GNAL: variants seen among roughly 807,000 people sequenced by gnomAD.
GNAL encodes the protein G protein subunit alpha L, also known as guanine nucleotide-binding protein G(olf) subunit alpha.
A neutral mutation model predicts 55.1 loss-of-function variants in GNAL; 18 were observed. The observed-to-expected ratio is 0.33, with a 90% CI of 0.23 to 0.48. The LOEUF (loss-of-function observed/expected upper bound fraction) is 0.48, where lower values mean the gene tolerates loss of function less well. GNAL is among the 20% of genes least tolerant of loss of function. The probability of loss-of-function intolerance (pLI) is 0.99; values close to 1 mark genes in which losing one functional copy is unlikely to be tolerated. For missense variants in GNAL, 412 were observed against 614.1 expected, an observed-to-expected ratio of 0.67 and a Z score of 3.48; for synonymous variants, 253 against 237.0, an observed-to-expected ratio of 1.07 and a Z score of -0.62.
chr18:11,766,015 A>G (rs1427452554), intron 4 of GNAL, among the ~76,000 whole-genome samples: 1 of 152,210 alleles, frequency 6.6e-6, no homozygotes, highest in African/African-American at 2.4e-5. Flanking sequence ...GTTTTATGTA[A>G]CTGAGAGAAA....
At chr18:11,761,184 T>C (rs1056524204) in intron 4 of GNAL, among the ~76,000 whole-genome samples, 1 of 152,112 alleles carries the variant, frequency 6.6e-6, no homozygotes, top group Admixed American at 6.5e-5. Context: ...TCGCACCCCT[T>C]AGCTGTCACC....
intron 4 of GNAL, among the ~76,000 whole-genome samples, chr18:11,820,975 C>G (rs1395474866): frequency 6.6e-6 from 1 of 152,248 alleles, no homozygotes; most frequent in Non-Finnish European, 1.5e-5. Context: ...GTAATTCTCT[C>G]AGGCTTCAGC....
rs538344196 is a variant in GNAL at position 11,860,693 on chromosome 18, C to A, written c.723-1702C>A. Among the ~76,000 whole-genome samples, 18 of 152,256 alleles carry A rather than the reference C, an allele frequency of 1.2e-4. No individual in the cohort carries two copies. The South Asian group carries it at 3.7e-3, about 32-fold the overall frequency. On this transcript the variant is annotated intron_variant, in intron 5 of 11. Coordinates refer to ENST00000334049, the MANE Select transcript of GNAL (RefSeq NM_182978.4). ...AAAGGTTCAAGTTTCTAGGGGCAGT[C>A]ATTGTGGGGCAGTGACTAATGAAAG...
intron 7 of GNAL, among the ~76,000 whole-genome samples, chr18:11,865,308 C>T (rs937150146): frequency 1.3e-5 from 2 of 149,684 alleles, no homozygotes; most frequent in Non-Finnish European, 2.9e-5. Flanking sequence ...CCCAGGCCTG[C>T]TTTGTCCCCT....
chr18:11,730,524 G>A (rs1382738705), intron 1 of GNAL, among the ~76,000 whole-genome samples: 1 of 151,712 alleles, frequency 6.6e-6, no homozygotes, highest in Non-Finnish European at 1.5e-5. Flanking sequence ...AGCACTTTGG[G>A]AGGCCAACGC....
At chr18:11,728,609 A>G (rs2032267102) in intron 1 of GNAL, among the ~76,000 whole-genome samples, 1 of 152,106 alleles carries the variant, frequency 6.6e-6, no homozygotes, top group Non-Finnish European at 1.5e-5. Context: ...CCAAACCTCA[A>G]AGTTTCTTTT....
intron 5 of GNAL, among the ~76,000 whole-genome samples, chr18:11,832,335 G>GA (rs964694880): frequency 3.3e-5 from 5 of 151,990 alleles, no homozygotes; most frequent in Non-Finnish European, 7.4e-5. Flanking sequence ...CACTATCCCA[G>GA]AAAAAAAGAA....
At chr18:11,799,392 C>T (rs1010487175) in intron 4 of GNAL, among the ~76,000 whole-genome samples, 2 of 152,178 alleles carry the variant, frequency 1.3e-5, no homozygotes, top group Admixed American at 1.3e-4. Context: ...TAAATGTTCT[C>T]TTATTTCTAC....
intron 1 of GNAL, among the ~76,000 whole-genome samples, chr18:11,717,194 C>T (rs535307737): frequency 3.3e-5 from 5 of 152,338 alleles, no homozygotes; most frequent in African/African-American, 9.6e-5. Flanking sequence ...TGGAGCCAGC[C>T]GGCCGCTCCC....
chr18:11,878,185 T>A (rs934520374), intron 11 of GNAL, among the ~76,000 whole-genome samples: 1 of 152,330 alleles, frequency 6.6e-6, no homozygotes, highest in South Asian at 2.1e-4. Flanking sequence ...ATGCAGTTGC[T>A]CATGGATGTA....
intron 5 of GNAL, among the ~76,000 whole-genome samples, chr18:11,838,061 G>A (rs1258839436): frequency 6.6e-6 from 1 of 152,204 alleles, no homozygotes; most frequent in East Asian, 1.9e-4. Context: ...AGCCCAGGAG[G>A]TCGAGGCTTC....
At chr18:11,715,131 T>A (rs2031924222) in intron 1 of GNAL, among the ~76,000 whole-genome samples, 1 of 135,576 alleles carries the variant, frequency 7.4e-6, no homozygotes, top group African/African-American at 2.9e-5. Context: ...AGCAACAGAG[T>A]GAGATCCTGT....
intron 1 of GNAL, among the ~76,000 whole-genome samples, chr18:11,707,993 G>A (rs2031753292): frequency 1.3e-5 from 2 of 152,194 alleles, no homozygotes; most frequent in African/African-American, 4.8e-5. Context: ...TTGGCTTCGG[G>A]GAATGCTGTG....
chr18:11,875,214 A>G (rs1391402668), intron 10 of GNAL, among the ~76,000 whole-genome samples: 1 of 152,148 alleles, frequency 6.6e-6, no homozygotes, highest in Non-Finnish European at 1.5e-5. Flanking sequence ...TGCTGCCCCC[A>G]GGGAGGCCAG....
Position 11,716,376 on chromosome 18 carries a change from G to A in GNAL, c.376+26437G>A, listed in dbSNP as rs1171787383. 6.6e-5 allele frequency among the ~76,000 whole-genome samples: 10 copies of A among 152,238 alleles called. No individual in the cohort carries two copies. In the East Asian group the frequency reaches 1.2e-3, roughly 18 times the overall value. On this transcript the variant is annotated intron_variant, in intron 1 of 11. Coordinates refer to ENST00000334049, the MANE Select transcript of GNAL (RefSeq NM_182978.4). Reference sequence around the variant, plus strand: ...TTCAGGAGTGAAGCTGCAGACCTTCGCGGTGAGTGTTACAGCTAATAAAGG... The same window carrying A: ...TTCAGGAGTGAAGCTGCAGACCTTCACGGTGAGTGTTACAGCTAATAAAGG...
At chr18:11,846,828 C>T (rs2035751201) in intron 5 of GNAL, among the ~76,000 whole-genome samples, 1 of 152,008 alleles carries the variant, frequency 6.6e-6, no homozygotes, top group Non-Finnish European at 1.5e-5. Flanking sequence ...TGGGCCGCCT[C>T]ATCCTCCCAA....
intron 5 of GNAL, among the ~76,000 whole-genome samples, chr18:11,841,783 A>AT (rs2035620666): frequency 6.6e-6 from 1 of 152,196 alleles, no homozygotes; most frequent in South Asian, 2.1e-4. Context: ...TCTGGGGAAG[A>AT]TAAAAACCTC....
At chr18:11,692,373 C>CA in intron 1 of GNAL, among the ~76,000 whole-genome samples, 1 of 152,194 alleles carries the variant, frequency 6.6e-6, no homozygotes, top group African/African-American at 2.4e-5. Flanking sequence ...ACAACAACAA[C>CA]AAAAAACAGT....
intron 4 of GNAL, among the ~76,000 whole-genome samples, chr18:11,803,059 A>G (rs952657186): frequency 6.6e-6 from 1 of 152,168 alleles, no homozygotes; most frequent in African/African-American, 2.4e-5. Context: ...TTCATAATAT[A>G]TTCTTTTATT....
Sources: allele counts gnomAD v4.1 joint callset (sites outside exome capture counted in the v4.1 genomes callset), GRCh38; gene constraint gnomAD v4.1.1; transcripts MANE v1.5; gene names NCBI Gene and HGNC (gene_info 2026-07-23, HGNC 2026-07-21).